Variants in ATAD2B observed in about 807,000 individuals in gnomAD.
ATAD2B encodes ATPase family AAA domain-containing protein 2B.
Under a neutral mutation model 167.6 loss-of-function variants are expected in ATAD2B, and 40 were observed. The ratio of observed to expected loss-of-function variants is 0.24; its 90% CI spans 0.19 to 0.31. The LOEUF is 0.31. Among genes scored for constraint, ATAD2B ranks in the 10% least tolerant of loss-of-function variants. The pLI is 1.00. For missense variants in ATAD2B, 1,242 were observed against 1,757.2 expected (o/e 0.71, Z 5.24); for synonymous variants, 579 against 596.5 (o/e 0.97, Z 0.43).
At chr2:23,752,177 A>C in intron 27 of ATAD2B, 90 bp from the exon 28 acceptor site, 2 of 936,468 alleles carry the variant, frequency 2.1e-6, no homozygotes, top group Non-Finnish European at 3.3e-6. Context: ...ATTTTTAGGG[A>C]ATGAATTTGA....
intron 13 of ATAD2B, among the ~76,000 whole-genome samples, chr2:23,856,755 G>A (rs999716422): frequency 6.6e-6 from 1 of 152,070 alleles, no homozygotes; most frequent in South Asian, 2.1e-4. Context: ...AGCTACTTGG[G>A]AGGCTGAGGC....
chr2:23,868,073 A>C, intron 9 of ATAD2B, 127 bp from the exon 10 acceptor site: 1 of 654,536 alleles, frequency 1.5e-6, no homozygotes, highest in Non-Finnish European at 2.6e-6. Flanking sequence ...AAATAATATC[A>C]AAGGATTTCA....
intron 12 of ATAD2B, among the ~76,000 whole-genome samples, chr2:23,861,816 A>T (rs1694415288): frequency 6.6e-6 from 1 of 152,082 alleles, no homozygotes; most frequent in African/African-American, 2.4e-5. Context: ...TGCATGTTTG[A>T]CTCGCCATTA....
the ATAD2B span, among the ~76,000 whole-genome samples, chr2:23,720,958 T>C: frequency 6.8e-6 from 1 of 148,070 alleles, no homozygotes; most frequent in Non-Finnish European, 1.5e-5. Context: ...CCACTGCACC[T>C]CTCCAGCACC....
At chr2:23,679,431 G>T in the ATAD2B span, among the ~76,000 whole-genome samples, 3 of 152,206 alleles carry the variant, frequency 2.0e-5, no homozygotes, top group Non-Finnish European at 2.9e-5. Flanking sequence ...GGTCCCTGGA[G>T]AGTGAGTGAA....
intron 12 of ATAD2B, among the ~76,000 whole-genome samples, chr2:23,860,226 A>C (rs905893792): frequency 2.0e-5 from 3 of 152,208 alleles, no homozygotes; most frequent in African/African-American, 7.2e-5. Flanking sequence ...CCTCGTCTCC[A>C]GAACTATGAG....
At chr2:23,679,946 G>GA in the ATAD2B span, among the ~76,000 whole-genome samples, 1 of 152,208 alleles carries the variant, frequency 6.6e-6, no homozygotes, top group Admixed American at 6.5e-5. Context: ...GGGGTGCAAG[G>GA]AGGCTTCGCT....
intron 13 of ATAD2B, among the ~76,000 whole-genome samples, chr2:23,851,848 A>G (rs1476800652): frequency 6.6e-6 from 1 of 152,140 alleles, no homozygotes; most frequent in African/African-American, 2.4e-5. Context: ...TAGAAAATCT[A>G]TGAAAACAGA....
rs374857125 is a variant in ATAD2B, at chr2:23,810,431, G to A, written c.2339C>T (p.Thr780Ile). 4.3e-6 allele frequency: 7 copies of A among 1,613,938 alleles called. No homozygotes were observed. The Admixed American group carries it at 8.3e-5, about 19-fold the overall frequency. ...CAAAAGTGCTGGAGCAAGGTGAGAA[G>A]TTTGACCTGAGCCCCGTTCTCCAGA... is the stretch of plus-strand genomic sequence containing the variant. The part of the protein sequence containing the change: ...LLSGERGSGQ[T>I]SHLAPALLHT... Residue 780 changes from threonine (T) to isoleucine (I), a missense_variant, in exon 18 of 28, where the codon ACT (threonine) becomes ATT (isoleucine). By Grantham distance (89) the Thr-to-Ile change is moderately conservative. Coordinates refer to ENST00000238789, the MANE Select transcript of ATAD2B (RefSeq NM_017552.4).
the ATAD2B span, chr2:23,691,785 G>C: frequency 1.3e-6 from 2 of 1,551,704 alleles, no homozygotes; most frequent in Non-Finnish European, 1.7e-6. Flanking sequence ...CGGGCTCCCT[G>C]GTCATCGACT....
intron 15 of ATAD2B, 34 bp from the exon 16 acceptor site, chr2:23,823,603 C>T: frequency 1.9e-6 from 3 of 1,571,050 alleles, no homozygotes; most frequent in Non-Finnish European, 1.7e-6. Context: ...AGCAAAGGTA[C>T]ATTCATTATT....
rs1701213464 is a variant in ATAD2B, at chr2:23,904,357, TA to T, written c.217-8388del. On this transcript the variant is annotated intron_variant, in intron 1 of 27. Coordinates refer to ENST00000238789, the MANE Select transcript of ATAD2B (RefSeq NM_017552.4). ...GCTGATAAACCTGAGGATTTGTAAG[TA>T]AGAGATCATTGTAACTTCTGACAGG... Among the ~76,000 whole-genome samples the T allele has an allele frequency of 2.6e-5, 4 of 152,198 alleles. No homozygotes were observed. The South Asian group carries it at 8.3e-4, about 32-fold the overall frequency.
At chr2:23,696,341 G>A in the ATAD2B span, 1 of 1,551,556 alleles carries the variant, frequency 6.4e-7, no homozygotes, top group Non-Finnish European at 8.7e-7. This position sits in a 1 kb window ranked among gnomAD's most constrained non-coding sequence, Gnocchi z 5.5. Context: ...AGGTGGGATG[G>A]AATCAGGGGT....
chr2:23,916,934 G>A (rs986563077), intron 1 of ATAD2B, among the ~76,000 whole-genome samples: 1 of 152,158 alleles, frequency 6.6e-6, no homozygotes, highest in African/African-American at 2.4e-5. Context: ...TAGACTTTAA[G>A]TACATACCAT....
chr2:23,788,134 T>G (rs1231977921), intron 20 of ATAD2B: 1 of 180,760 alleles, frequency 5.5e-6, no homozygotes, highest in African/African-American at 2.3e-5. Flanking sequence ...AAATCTATCA[T>G]GGCCCAAAAA....
At chr2:23,772,154 T>A (rs1408247585) in intron 22 of ATAD2B, among the ~76,000 whole-genome samples, 1 of 152,038 alleles carries the variant, frequency 6.6e-6, no homozygotes, top group Non-Finnish European at 1.5e-5. Context: ...TTGTGTCATG[T>A]GAGGGGGTAA....
the ATAD2B span, chr2:23,706,934 G>A: frequency 2.9e-6 from 1 of 344,412 alleles, no homozygotes. Context: ...TCTGCCAGGT[G>A]CAATAGAGTT....
intron 20 of ATAD2B, among the ~76,000 whole-genome samples, chr2:23,786,643 T>C (rs1320939892): frequency 6.6e-6 from 1 of 152,092 alleles, no homozygotes; most frequent in African/African-American, 2.4e-5. Context: ...AAAACGTCAT[T>C]ATGCAGCGCA....
At chr2:23,920,705 C>T (rs10199664) in intron 1 of ATAD2B, among the ~76,000 whole-genome samples, 1,891 of 151,686 alleles carry the variant, frequency 0.012, 36 homozygotes, top group African/African-American at 0.043. Flanking sequence ...AAACTTACTG[C>T]TCAAAAAAAA....
Sources: gnomAD v4.1 joint callset for allele counts (sites outside exome capture counted in the v4.1 genomes callset) on GRCh38, gnomAD v4.1.1 for gene constraint, Gnocchi (gnomAD v3.1) non-coding constraint, MANE v1.5 for transcripts, NCBI Gene and HGNC (gene_info 2026-07-23, HGNC 2026-07-21) for gene names.